The following IRX4 variants were observed in gnomAD, a reference collection of about 807,000 sequenced individuals.
IRX4 encodes the protein iroquois homeobox 4.
In IRX4, 22 loss-of-function variants were observed where a neutral mutation model predicts 32.0. That is an observed-to-expected ratio of 0.69 (90% CI 0.49 to 0.98). The LOEUF is 0.98. IRX4 is among the 50% of genes least tolerant of loss of function. The pLI is 0.00. For synonymous variants in IRX4, 379 were observed against 351.7 expected, an observed-to-expected ratio of 1.08 and a Z score of -0.87; for missense variants, 840 against 744.2, an observed-to-expected ratio of 1.13 and a Z score of -1.50.
chr5:1,878,717 G>A lies in IRX4; in HGVS notation c.812C>T (p.Pro271Leu), dbSNP rs1280567257. The A allele has an allele frequency of 3.1e-5, 50 of 1,612,540 alleles. No individual in the cohort carries two copies. Among genetic ancestry groups the A allele is most frequent in the Non-Finnish European group, 4.2e-5 (49 of 1,179,946 alleles). The change falls in exon 5 of 5, where the codon CCG becomes CTG. Residue 271 changes from proline (P) to leucine (L), a missense_variant. This residue lies in a region of IRX4 where 585 missense variants were observed against 488.0 expected (regional missense o/e 1.20). Transcript: ENST00000231357. ...DDFDPLEAEPPACELKPPFHS... is the reference protein window; with the variant it reads ...DDFDPLEAEPLACELKPPFHS... ...GAAGGGCGGCTTCAGCTCGCACGCCGGCGGCTCTGCTTCCAGCGGGTCGAA... is the reference window on the plus strand; with the variant it reads ...GAAGGGCGGCTTCAGCTCGCACGCCAGCGGCTCTGCTTCCAGCGGGTCGAA...
At chr5:1,886,709 C>A (rs550195034), upstream of IRX4, among the ~76,000 whole-genome samples, 1 of 151,620 alleles carries the variant, frequency 6.6e-6, no homozygotes, top group African/African-American at 2.4e-5. Flanking sequence ...GAGCCCCCCA[C>A]CCCCCGCCCC....
At chr5:1,885,316 C>G (rs921160154), upstream of IRX4, among the ~76,000 whole-genome samples, 1 of 152,214 alleles carries the variant, frequency 6.6e-6, no homozygotes, top group East Asian at 1.9e-4. Flanking sequence ...GCAGCCAGTA[C>G]GTGGGGGCCC....
At chr5:1,881,634 G>C (rs1248989594) in intron 2 of IRX4, among the ~76,000 whole-genome samples, 174 bp downstream of exon 2, 1 of 151,986 alleles carries the variant, frequency 6.6e-6, no homozygotes, top group East Asian at 1.9e-4. Context: ...CCCAGGGGGT[G>C]GGGGTGGGGT....
At chr5:1,883,759 C>G (rs1435233007), upstream of IRX4, among the ~76,000 whole-genome samples, 3 of 152,248 alleles carry the variant, frequency 2.0e-5, no homozygotes, top group Non-Finnish European at 4.4e-5. Context: ...CTCCCCGATC[C>G]CCTTTCCGCC....
chr5:1,885,316 C>T (rs921160154), upstream of IRX4, among the ~76,000 whole-genome samples: 10 of 152,214 alleles, frequency 6.6e-5, no homozygotes, highest in Admixed American at 5.9e-4. Flanking sequence ...GCAGCCAGTA[C>T]GTGGGGGCCC....
In IRX4 at chr5:1,882,916, C is replaced by A; in HGVS notation, c.-269G>T. 22 of 249,196 alleles carry A rather than the reference C, an allele frequency of 8.8e-5. No individual in the cohort carries two copies. The highest frequency in any genetic ancestry group is 1.0e-4 in the Non-Finnish European group (14 of 134,192). 15.4% of individuals were successfully genotyped at this position (249,196 alleles called of 1,614,324 possible). ...CGGCCTCGCAGCGGCGACAGAAATA[C>A]ATATTTTACGAAAAAGAAAAAAAAA... On this transcript the variant is annotated 5_prime_UTR_variant, in exon 1 of 5. An upstream start codon of the reference 5' UTR is lost. Transcript: ENST00000231357.
Position 1,877,694 on chromosome 5 carries a change from T to C in IRX4, c.*275A>G, listed in dbSNP as rs1735244957. 2.1e-6 allele frequency: 1 copy of C among 469,906 alleles called. No homozygotes were observed. Among genetic ancestry groups the C allele is most frequent in the Admixed American group, 4.3e-5 (1 of 23,518 alleles). 29.1% of individuals were successfully genotyped at this position (469,906 alleles called of 1,614,324 possible). A position where few individuals can be genotyped will look rare whatever the true frequency, so the allele number is the denominator to read the frequency against. On this transcript the variant is annotated 3_prime_UTR_variant, in exon 5 of 5. Transcript: ENST00000231357. The stretch of plus-strand genomic sequence containing the variant: ...TAAACTTTTGACGTAAACTTTATGC[T>C]TCAGGGTATCTGGCCTCTTCTGCTC...
chr5:1,881,612 C>T (rs1462472895), intron 2 of IRX4, among the ~76,000 whole-genome samples, 196 bp downstream of exon 2: 1 of 134,758 alleles, frequency 7.4e-6, no homozygotes, highest in Non-Finnish European at 1.6e-5. Flanking sequence ...GGCCACCTGC[C>T]GGGTCATCTG....
chr5:1,879,529 C>T lies in IRX4; in HGVS notation c.711G>A (p.Glu237=). 2 of 1,613,320 alleles carry T rather than the reference C, an allele frequency of 1.2e-6. No homozygotes were observed. Among genetic ancestry groups the T allele is most frequent in the South Asian group, 2.2e-5 (2 of 91,082 alleles). ...CTGCGTTCTTGGAGCTCTTGAGGGGCTCCTCCCGCGCCTCCTCCTCGCCCC... is the reference window on the plus strand; with the variant it reads ...CTGCGTTCTTGGAGCTCTTGAGGGGTTCCTCCCGCGCCTCCTCCTCGCCCC... ...EEGGEEEARE[E]PLKSSKNAEP... The change falls in exon 4 of 5, where the codon GAG becomes GAA. Residue 237 remains glutamate (E), a synonymous_variant. Transcript: ENST00000231357.
In IRX4 at chr5:1,878,304, C is replaced by T; in HGVS notation, c.1225G>A (p.Ala409Thr). The T allele has an allele frequency of 6.3e-7, 1 of 1,578,712 alleles. No homozygotes were observed. The change falls in exon 5 of 5, where the codon GCG (alanine) becomes ACG (threonine). Residue 409 changes from alanine to threonine, a missense_variant. Physicochemically the swap from Ala to Thr is moderately conservative, Grantham distance 58. This residue lies in a region of IRX4 where 585 missense variants were observed against 488.0 expected (regional missense o/e 1.20). Transcript: ENST00000231357. ...GPAAPAAVSS[A>T]PATSPSVALP... ...GCCACAGACGGGGACGTGGCGGGCG[C>T]GGAGGACACAGCCGCAGGGGCCGCG... is the stretch of plus-strand genomic sequence containing the variant.
chr5:1,882,497 C>G, intron 1 of IRX4, 106 bp downstream of exon 1: 1 of 1,007,786 alleles, frequency 9.9e-7, no homozygotes, highest in Middle Eastern at 3.1e-4. Context: ...CTTGCTAGCT[C>G]GGAAGCCGCA....
At chr5:1,884,915 G>A (rs1735580051), upstream of IRX4, among the ~76,000 whole-genome samples, 1 of 143,226 alleles carries the variant, frequency 7.0e-6, no homozygotes, top group African/African-American at 2.5e-5. Context: ...ATTATTTATT[G>A]TTTACAAACT....
Position 1,878,726 on chromosome 5 carries a change from G to A in IRX4, c.803C>T (p.Ala268Val), listed in dbSNP as rs1292007498. Residue 268 changes from alanine to valine, a missense_variant, in exon 5 of 5, where the codon GCA becomes GTA. By Grantham distance (64) the Ala-to-Val change is moderately conservative. Transcript: ENST00000231357. ...SDLDDFDPLEAEPPACELKPP... is the reference protein window; with the variant it reads ...SDLDDFDPLEVEPPACELKPP... The stretch of plus-strand genomic sequence containing the variant: ...CTTCAGCTCGCACGCCGGCGGCTCT[G>A]CTTCCAGCGGGTCGAAGTCGTCCAA... The A allele has an allele frequency of 6.2e-7, 1 of 1,612,912 alleles. No homozygotes were observed. Among genetic ancestry groups the A allele is most frequent in the Middle Eastern group, 1.7e-4 (1 of 6,052 alleles).
chr5:1,885,282 G>A (rs1446176895), upstream of IRX4, among the ~76,000 whole-genome samples: 4 of 152,192 alleles, frequency 2.6e-5, no homozygotes, highest in Non-Finnish European at 5.9e-5. Flanking sequence ...CAGAGTCTGG[G>A]AGAAGCAGCC....
At chr5:1,884,656 T>C (rs970713580), upstream of IRX4, 3 of 152,258 alleles carry the variant, frequency 2.0e-5, no homozygotes, top group African/African-American at 7.2e-5. Flanking sequence ...TTAATAATTG[T>C]TTCTGAATTC....
chr5:1,884,592 C>T (rs1221870574), upstream of IRX4: 1 of 152,246 alleles, frequency 6.6e-6, no homozygotes, highest in African/African-American at 2.4e-5. Flanking sequence ...ATTATTCAGA[C>T]AGTTTAGCGT....
chr5:1,878,634 CCTT>C lies in IRX4; in HGVS notation c.892_894del (p.Lys298del). 6.3e-7 allele frequency: 1 copy of C among 1,585,934 alleles called. No homozygotes were observed. The highest frequency in any genetic ancestry group is 1.1e-5 in the South Asian group (1 of 87,888). ...GACATCCGGAGCGCGCCTGAGGCCT[CCTT>C]GACCGGGCCGTCGGGCGCGGCGGGG... is the stretch of plus-strand genomic sequence containing the variant. On this transcript the variant is annotated inframe_deletion, in exon 5 of 5. Transcript: ENST00000231357.
At chr5:1,882,932 G>GAAA (rs201834255), upstream of IRX4, among the ~76,000 whole-genome samples, 5 of 143,394 alleles carry the variant, frequency 3.5e-5, no homozygotes, top group Non-Finnish European at 6.1e-5. Context: ...TTACGAAAAA[G>GAAA]AAAAAAAAAA....
At position 1,878,098 on chromosome 5, in the gene IRX4, G is replaced by A. The variant is rs2279589; in HGVS notation, c.1431C>T (p.Gly477=). The A allele has an allele frequency of 0.14, 208,148 of 1,534,228 alleles. 15,410 individuals are homozygous for A. Among genetic ancestry groups the A allele is most frequent in the East Asian group, 0.29 (12,044 of 40,840 alleles). The change falls in exon 5 of 5, where the codon GGC becomes GGT. Residue 477 remains glycine, a synonymous_variant. Coordinates refer to ENST00000231357, the MANE Select transcript of IRX4 (RefSeq NM_016358.3). ...CCAGGGGTGCAGTCAGCACGTTCGC[G>A]CCCGCCCCCAGCGAGCGTCCCAGAG... ...PGPLGRSLGA[G]ANVLTAPLAR...
Sources: allele counts gnomAD v4.1 joint callset (sites outside exome capture counted in the v4.1 genomes callset), GRCh38; gene constraint gnomAD v4.1.1; regional missense constraint gnomAD v4.1.1; transcripts MANE v1.5; gene names NCBI Gene and HGNC (gene_info 2026-07-23, HGNC 2026-07-21).